Variants in LIFR observed in about 807,000 individuals in gnomAD.
LIFR encodes the protein leukemia inhibitory factor receptor.
In LIFR, 84 loss-of-function variants were observed where a neutral mutation model predicts 122.2. The ratio of observed to expected loss-of-function variants is 0.69; its 90% CI spans 0.58 to 0.82. LIFR has a LOEUF of 0.82. Ranked by LOEUF, LIFR falls within the 40% of genes least tolerant of loss-of-function variation. LIFR has a pLI of 0.00. For synonymous variants in LIFR, 422 were observed against 434.7 expected, an observed-to-expected ratio of 0.97 and a Z score of 0.36; for missense variants, 1,294 against 1,311.6, an observed-to-expected ratio of 0.99 and a Z score of 0.21.
intron 1 of LIFR, among the ~76,000 whole-genome samples, chr5:38,541,148 G>A (rs996364520): frequency 3.3e-5 from 5 of 152,078 alleles, no homozygotes; most frequent in Non-Finnish European, 5.9e-5. Context: ...TTCAGACCAC[G>A]GTCTACAACA....
At position 38,489,185 on chromosome 5, in the gene LIFR, T is replaced by C. The variant is rs1402370300; in HGVS notation, c.2228A>G (p.Lys743Arg). ...TTCTTCCACAGGAATGTCTTCCCAT[T>C]TTACTAATATCGAATCTGCAGAAGT... Reference protein sequence around the residue: ...EDTSADSILVKWEDIPVEELR... With the variant: ...EDTSADSILVRWEDIPVEELR... The change falls in exon 16 of 20, where the codon AAA (lysine) becomes AGA (arginine). Residue 743 changes from lysine to arginine, a missense_variant. Transcript: ENST00000453190. The C allele has an allele frequency of 6.2e-7, 1 of 1,613,070 alleles. No individual in the cohort carries two copies. The highest frequency in any genetic ancestry group is 1.1e-5 in the South Asian group (1 of 91,070).
chr5:38,510,470 C>A lies in LIFR; in HGVS notation c.985G>T (p.Ala329Ser). Residue 329 changes from alanine to serine, a missense_variant, in exon 7 of 20, where the codon GCT (alanine) becomes TCT (serine). Coordinates refer to ENST00000453190, the MANE Select transcript of LIFR (RefSeq NM_001127671.2). ...EDNIFGTVIFAGYPPDTPQQL... is the reference protein window; with the variant it reads ...EDNIFGTVIFSGYPPDTPQQL... ...TTTAAAATCATATACTTACATCCAG[C>A]AAAAATAACGGTTCCAAATATGTTA... 1 of 1,613,112 alleles carries A rather than the reference C, an allele frequency of 6.2e-7. No individual in the cohort carries two copies. The highest frequency in any genetic ancestry group is 8.5e-7 in the Non-Finnish European group (1 of 1,179,726).
At chr5:38,605,852 C>T (rs572843724) in intron 2 of LIFR, among the ~76,000 whole-genome samples, 1 of 152,264 alleles carries the variant, frequency 6.6e-6, no homozygotes, top group African/African-American at 2.4e-5. Flanking sequence ...GGAGTTGTCC[C>T]GCCTTTCCAG....
At chr5:38,485,490 T>C in intron 17 of LIFR, 1 of 363,146 alleles carries the variant, frequency 2.8e-6, no homozygotes, top group Non-Finnish European at 5.1e-6. Flanking sequence ...TCCCTAGATA[T>C]GTTAGAAATC....
chr5:38,552,127 G>A (rs778865000), intron 1 of LIFR, among the ~76,000 whole-genome samples: 1 of 152,116 alleles, frequency 6.6e-6, no homozygotes, highest in African/African-American at 2.4e-5. Flanking sequence ...GAACTTAAGA[G>A]AAACAGTTGG....
At chr5:38,498,327 C>T (rs1257453578) in intron 12 of LIFR, among the ~76,000 whole-genome samples, 2 of 152,160 alleles carry the variant, frequency 1.3e-5, no homozygotes, top group Non-Finnish European at 2.9e-5. Context: ...CTGGTTCCTC[C>T]TCCTCTGCTG....
Position 38,485,920 on chromosome 5 carries a change from G to A in LIFR, c.2396C>T (p.Ala799Val), listed in dbSNP as rs775500766. The change falls in exon 17 of 20, where the codon GCT becomes GTT. Residue 799 changes from alanine to valine, a missense_variant. By Grantham distance (64) the Ala-to-Val change is moderately conservative (BLOSUM62 0). Coordinates refer to ENST00000453190, the MANE Select transcript of LIFR (RefSeq NM_001127671.2). ...TDISQKTLRI[A>V]DLQGKTSYHL... ...GTAACTTGTTTTACCTTGAAGATCA[G>A]CAATTCTCAGTGTCTTCTGGGATAT... 3 of 1,613,856 alleles carry A rather than the reference G, an allele frequency of 1.9e-6. No homozygotes were observed. In the East Asian group the frequency reaches 6.7e-5, roughly 36 times the overall value.
At chr5:38,589,374 T>A (rs1416983807) in intron 1 of LIFR, among the ~76,000 whole-genome samples, 1 of 152,200 alleles carries the variant, frequency 6.6e-6, no homozygotes, top group Admixed American at 6.5e-5. Flanking sequence ...TATGTTATAC[T>A]TTAGAGGACT....
intron 11 of LIFR, among the ~76,000 whole-genome samples, chr5:38,500,417 G>A (rs1745117512): frequency 6.6e-6 from 1 of 152,138 alleles, no homozygotes; most frequent in African/African-American, 2.4e-5. Flanking sequence ...ATATCTTGGA[G>A]GATGGGATCC....
chr5:38,560,183 AC>A (rs371181018), upstream of LIFR, among the ~76,000 whole-genome samples: 75 of 152,178 alleles, frequency 4.9e-4, 1 homozygote, highest in African/African-American at 3.6e-4. Context: ...AAAAAAAAAA[AC>A]ATTCTACAAA....
At chr5:38,484,889 A>G in intron 17 of LIFR, 21 bp from the exon 18 acceptor site, 3 of 1,541,654 alleles carry the variant, frequency 1.9e-6, no homozygotes, top group South Asian at 1.1e-5. Flanking sequence ...AGTATTGCAA[A>G]TATTAAAATC....
intron 2 of LIFR, among the ~76,000 whole-genome samples, chr5:38,604,711 A>AG (rs1750291332): frequency 1.3e-5 from 2 of 150,262 alleles, no homozygotes. Flanking sequence ...AAAAAAAAAA[A>AG]CAAAACAAAA....
chr5:38,490,311 G>A lies in LIFR; in HGVS notation c.2066-20C>T, dbSNP rs547930732. The A allele has an allele frequency of 3.7e-6, 4 of 1,080,892 alleles. No homozygotes were observed. The Admixed American group carries it at 5.3e-5, about 14-fold the overall frequency. The allele number at this position is 1,080,892 out of a possible 1,614,324, so 67.0% of individuals were successfully genotyped here. Reference sequence around the variant, plus strand: ...ACTCATCTATAGGATGAACATATCAGCAAACTTTCATAAATATATTACTAT... The same window carrying A: ...ACTCATCTATAGGATGAACATATCAACAAACTTTCATAAATATATTACTAT... On this transcript the variant is annotated intron_variant, in intron 14 of 19. Coordinates refer to ENST00000453190, the MANE Select transcript of LIFR (RefSeq NM_001127671.2).
In LIFR at chr5:38,528,807, T is replaced by C. The variant is rs1357429730; in HGVS notation, c.176A>G (p.Asn59Ser). ...CCAAGAACAGTTCCACACTTGCAAA[T>C]TGTTAGTTACACACTTCAAATCATG... ...APHDLKCVTNNLQVWNCSWKA... is the reference protein window; with the variant it reads ...APHDLKCVTNSLQVWNCSWKA... The change falls in exon 3 of 20, where the codon AAT (asparagine) becomes AGT (serine). Residue 59 changes from asparagine to serine, a missense_variant. Coordinates refer to ENST00000453190, the MANE Select transcript of LIFR (RefSeq NM_001127671.2). 1 of 1,583,340 alleles carries C rather than the reference T, an allele frequency of 6.3e-7. No individual in the cohort carries two copies.
At chr5:38,499,710 G>T in intron 11 of LIFR, 127 bp from the exon 12 acceptor site, 2 of 723,616 alleles carry the variant, frequency 2.8e-6, no homozygotes, top group South Asian at 1.6e-5. Flanking sequence ...CTTCCACTTA[G>T]AAAATGAAGC....
chr5:38,553,984 TA>T (rs1748382133), intron 1 of LIFR, among the ~76,000 whole-genome samples: 2 of 152,006 alleles, frequency 1.3e-5, no homozygotes, highest in South Asian at 4.2e-4. Context: ...ATACTAACAT[TA>T]AAATATAAGA....
chr5:38,497,206 C>T (rs926227729), intron 12 of LIFR, among the ~76,000 whole-genome samples: 4 of 152,310 alleles, frequency 2.6e-5, no homozygotes, highest in African/African-American at 9.6e-5. Flanking sequence ...TCACTTGAAC[C>T]TGGCAGGTGG....
chr5:38,511,205 C>T (rs1292380715), intron 6 of LIFR, among the ~76,000 whole-genome samples: 1 of 152,188 alleles, frequency 6.6e-6, no homozygotes, highest in Non-Finnish European at 1.5e-5. Context: ...TAAAAAACAA[C>T]TTACTTTAAT....
chr5:38,544,305 T>C (rs1055130998), intron 1 of LIFR, among the ~76,000 whole-genome samples: 34 of 152,092 alleles, frequency 2.2e-4, no homozygotes, highest in Non-Finnish European at 1.0e-4. Context: ...GGATTCTCCT[T>C]ATAAGCACAC....
Sources: allele counts gnomAD v4.1 joint callset (sites outside exome capture counted in the v4.1 genomes callset), GRCh38; gene constraint gnomAD v4.1.1; transcripts MANE v1.5; gene names NCBI Gene and HGNC (gene_info 2026-07-23, HGNC 2026-07-21).